TGFBR3: variants seen among roughly 807,000 people sequenced by gnomAD.
The protein encoded by TGFBR3 is transforming growth factor beta receptor 3.
Under a neutral mutation model 87.9 loss-of-function variants are expected in TGFBR3, and 46 were observed. The ratio of observed to expected loss-of-function variants is 0.52; its 90% CI spans 0.41 to 0.67. The LOEUF (loss-of-function observed/expected upper bound fraction) is 0.67. Among genes scored for constraint, TGFBR3 ranks in the 30% least tolerant of loss-of-function variants. TGFBR3 has a pLI of 0.00. For synonymous variants in TGFBR3, 381 were observed against 391.6 expected, an observed-to-expected ratio of 0.97 and a Z score of 0.32; for missense variants, 866 against 1,041.9, an observed-to-expected ratio of 0.83 and a Z score of 2.32.
At chr1:91,685,965 T>C (rs188101241) in intron 16 of TGFBR3, among the ~76,000 whole-genome samples, 1 of 152,322 alleles carries the variant, frequency 6.6e-6, no homozygotes. Flanking sequence ...ATGAACCACA[T>C]TTTAAAAATA....
At chr1:91,736,618 C>T (rs1312441999) in intron 4 of TGFBR3, among the ~76,000 whole-genome samples, 1 of 152,100 alleles carries the variant, frequency 6.6e-6, no homozygotes, top group African/African-American at 2.4e-5. Flanking sequence ...TAACCATGCC[C>T]ACCTAAGTGT....
At chr1:91,758,861 C>A (rs1037735450) in intron 3 of TGFBR3, 111 bp from the exon 4 acceptor site, 11 of 1,297,688 alleles carry the variant, frequency 8.5e-6, no homozygotes, top group Non-Finnish European at 1.1e-5. Flanking sequence ...CAGAAACAAG[C>A]TATAATGTAG....
chr1:91,904,983 AGCCACCATGCCTG>A (rs1402801976), intron 1 of TGFBR3, among the ~76,000 whole-genome samples: 15 of 152,084 alleles, frequency 9.9e-5, no homozygotes, highest in African/African-American at 3.6e-4. Flanking sequence ...TACAGGCATG[AGCCACCATGCCTG>A]GCCAGATTCT....
intron 4 of TGFBR3, among the ~76,000 whole-genome samples, chr1:91,741,962 T>G (rs1673174143): frequency 6.6e-6 from 1 of 152,174 alleles, no homozygotes; most frequent in African/African-American, 2.4e-5. Flanking sequence ...ATGACTGAAG[T>G]GCCTCTGCCC....
intron 2 of TGFBR3, among the ~76,000 whole-genome samples, chr1:91,821,747 G>C (rs764741593): frequency 6.6e-6 from 1 of 152,086 alleles, no homozygotes; most frequent in Non-Finnish European, 1.5e-5. Context: ...TTGAATCCTG[G>C]TTCTGTCTAT....
At chr1:91,809,089 A>T (rs1675938276) in intron 2 of TGFBR3, among the ~76,000 whole-genome samples, 1 of 152,246 alleles carries the variant, frequency 6.6e-6, no homozygotes, top group Non-Finnish European at 1.5e-5. Context: ...CCATAAAAAA[A>T]TTACAACTTA....
chr1:91,728,031 T>C (rs910921235), intron 6 of TGFBR3: 4 of 572,534 alleles, frequency 7.0e-6, no homozygotes, highest in African/African-American at 3.8e-5. Context: ...GTCACTAAAG[T>C]TTTTCTCTTC....
At chr1:91,719,273 T>C (rs780894963) in intron 10 of TGFBR3, 39 bp downstream of exon 10, 167 of 1,613,652 alleles carry the variant, frequency 1.0e-4, no homozygotes, top group Non-Finnish European at 1.4e-4. Flanking sequence ...ACAGCCAGGC[T>C]CTGGCAAAGG....
intron 2 of TGFBR3, among the ~76,000 whole-genome samples, chr1:91,894,828 T>A (rs1034342037): frequency 4.6e-5 from 7 of 152,240 alleles, no homozygotes; most frequent in African/African-American, 1.7e-4. Context: ...TGGAGTGCAG[T>A]GGCACAAACT....
In TGFBR3 at chr1:91,764,574, C is replaced by T. The variant is rs570550639; in HGVS notation, c.247-5824G>A. Reference sequence around the variant, plus strand: ...CTTCCCAGAGCAGCCACAGCTCCCCCGGCTGCGGAGAAGAGAGGCAGGCAA... The same window carrying T: ...CTTCCCAGAGCAGCCACAGCTCCCCTGGCTGCGGAGAAGAGAGGCAGGCAA... On this transcript the variant is annotated intron_variant, in intron 3 of 16. Transcript: ENST00000212355. 3.6e-3 allele frequency among the ~76,000 whole-genome samples: 546 copies of T among 152,122 alleles called. 1 individual carries two copies. The highest frequency in any genetic ancestry group is 5.9e-3 in the Non-Finnish European group (403 of 68,014).
chr1:91,734,443 C>T (rs1055778925), intron 5 of TGFBR3, among the ~76,000 whole-genome samples: 3 of 152,328 alleles, frequency 2.0e-5, no homozygotes, highest in South Asian at 2.1e-4. Flanking sequence ...GTCATCACCT[C>T]CTTCCCACAC....
At chr1:91,864,747 A>C (rs1436247662) in intron 1 of TGFBR3, among the ~76,000 whole-genome samples, 2 of 152,240 alleles carry the variant, frequency 1.3e-5, no homozygotes, top group Admixed American at 1.3e-4. Context: ...GATGGACTGA[A>C]GGCTTCCGAA....
chr1:91,726,396 C>A (rs1469725033), intron 7 of TGFBR3, among the ~76,000 whole-genome samples: 1 of 152,086 alleles, frequency 6.6e-6, no homozygotes. Flanking sequence ...GTCACCAACA[C>A]CCCTCATGCC....
chr1:91,859,786 G>A (rs1280519952), intron 2 of TGFBR3, among the ~76,000 whole-genome samples: 1 of 151,890 alleles, frequency 6.6e-6, no homozygotes, highest in Non-Finnish European at 1.5e-5. Context: ...GCACACGCCT[G>A]TAGTCCCAGC....
chr1:91,721,372 T>C (rs989722154), intron 8 of TGFBR3, among the ~76,000 whole-genome samples: 6 of 152,216 alleles, frequency 3.9e-5, no homozygotes, highest in African/African-American at 1.4e-4. Flanking sequence ...CTTGAACCTG[T>C]ACTCCTAATC....
intron 14 of TGFBR3, among the ~76,000 whole-genome samples, chr1:91,701,484 G>A: frequency 6.6e-6 from 1 of 152,140 alleles, no homozygotes; most frequent in East Asian, 1.9e-4. Context: ...CTTAGCTATT[G>A]CTGTAAAGAG....
intron 2 of TGFBR3, among the ~76,000 whole-genome samples, chr1:91,858,068 C>T (rs1571579030): frequency 6.6e-6 from 1 of 152,196 alleles, no homozygotes; most frequent in South Asian, 2.1e-4. Flanking sequence ...TTTGACCTCT[C>T]TGTGCTTCCA....
At chr1:91,743,985 A>T (rs1029010947) in intron 4 of TGFBR3, among the ~76,000 whole-genome samples, 6 of 152,266 alleles carry the variant, frequency 3.9e-5, no homozygotes, top group Admixed American at 6.5e-5. Context: ...CACAAGAAAA[A>T]TCCCTATCTC....
rs139593761 is a variant in TGFBR3 at position 91,805,440 on chromosome 1, G to A, written c.62-7969C>T. Among the ~76,000 whole-genome samples the A allele has an allele frequency of 2.6e-4, 39 of 152,172 alleles. No homozygotes were observed. The East Asian group carries it at 5.6e-3, about 22-fold the overall frequency. On this transcript the variant is annotated intron_variant, in intron 2 of 16. Transcript: ENST00000212355. Reference sequence around the variant, plus strand: ...CTCTTCTGTTTGGTACACTCTCCTCGGCCACCAGCACAGAGGCACAGCCCC... The same window carrying A: ...CTCTTCTGTTTGGTACACTCTCCTCAGCCACCAGCACAGAGGCACAGCCCC...
Sources: allele counts gnomAD v4.1 joint callset (sites outside exome capture counted in the v4.1 genomes callset), GRCh38; gene constraint gnomAD v4.1.1; transcripts MANE v1.5; gene names NCBI Gene and HGNC (gene_info 2026-07-23, HGNC 2026-07-21).